Variants in GRIA3 observed in about 807,000 individuals in gnomAD.
The protein encoded by GRIA3 is glutamate ionotropic receptor AMPA type subunit 3, also known as glutamate receptor 3.
A neutral mutation model predicts 63.0 loss-of-function variants in GRIA3; 3 were observed. The observed-to-expected ratio is 0.05, with a 90% confidence interval of 0.02 to 0.12. The LOEUF (loss-of-function observed/expected upper bound fraction) is 0.12. Ranked by LOEUF, GRIA3 falls within the 10% of genes least tolerant of loss-of-function variation. The pLI is 1.00. For missense variants in GRIA3, 347 were observed against 700.9 expected (o/e 0.50, Z 5.70); for synonymous variants, 274 against 257.9 (o/e 1.06, Z -0.60).
rs150008405 is a variant in GRIA3 at position 123,357,735 on chromosome X, T to G, written c.750+2772T>G. 2.4e-3 allele frequency among the ~76,000 whole-genome samples: 271 copies of G among 110,880 alleles called. 1 individual carries two copies. Among genetic ancestry groups the G allele is most frequent in the African/African-American group, 8.2e-3 (251 of 30,539 alleles). The stretch of plus-strand genomic sequence containing the variant: ...ACACACAACTCAGAATTATGAGACT[T>G]TGGGGGAATGTCTACTACAAGAACA... On this transcript the variant is annotated intron_variant, in intron 5 of 15. Transcript: ENST00000620443.
At chrX:123,307,665 C>A (rs986132536) in intron 3 of GRIA3, among the ~76,000 whole-genome samples, 1 of 111,452 alleles carries the variant, frequency 9.0e-6, no homozygotes, top group Admixed American at 9.5e-5. Flanking sequence ...GGACTGATGA[C>A]TGTCCTCTGG....
At chrX:123,292,980 G>A (rs1395705763) in intron 3 of GRIA3, among the ~76,000 whole-genome samples, 1 of 110,908 alleles carries the variant, frequency 9.0e-6, no homozygotes, top group African/African-American at 3.3e-5. Context: ...AGTTTATCTG[G>A]TTGGCCTATT....
intron 3 of GRIA3, among the ~76,000 whole-genome samples, chrX:123,319,765 A>G (rs981567516): frequency 1.3e-3 from 136 of 107,099 alleles, no homozygotes; most frequent in Non-Finnish European, 2.3e-4. Flanking sequence ...CCTTCTTGAA[A>G]CATGCCTTTC....
At chrX:123,367,028 A>C in intron 5 of GRIA3, among the ~76,000 whole-genome samples, 1 of 111,796 alleles carries the variant, frequency 8.9e-6, no homozygotes. Context: ...AATCATGAGT[A>C]TCCCCATAGT....
chrX:123,216,376 C>T (rs1318700041), intron 2 of GRIA3, among the ~76,000 whole-genome samples: 2 of 112,286 alleles, frequency 1.8e-5, no homozygotes, highest in Non-Finnish European at 3.8e-5. Context: ...GAGGTTTCAG[C>T]GATGCTTACA....
Position 123,490,193 on chromosome X carries a change from T to C in GRIA3, c.*1483T>C, listed in dbSNP as rs1167390658. 8.9e-6 allele frequency: 1 copy of C among 112,950 alleles called. No homozygotes were observed. Among genetic ancestry groups the C allele is most frequent in the African/African-American group, 3.2e-5 (1 of 30,993 alleles). 9.3% of individuals were successfully genotyped at this position (112,950 alleles called of 1,213,427 possible). On this transcript the variant is annotated 3_prime_UTR_variant, in exon 16 of 16. Transcript: ENST00000620443. ...TGCAAAAACTAGGAGCTCGCATTCA[T>C]TTCCCAAGTGTGACCCTTAGATGCT...
At chrX:123,282,383 G>A (rs746031831) in intron 3 of GRIA3, among the ~76,000 whole-genome samples, 10 of 112,182 alleles carry the variant, frequency 8.9e-5, no homozygotes, top group Non-Finnish European at 1.5e-4. Flanking sequence ...TCTGATATCT[G>A]AAAAACAATC....
chrX:123,424,261 G>T (rs2045579095), intron 11 of GRIA3, among the ~76,000 whole-genome samples: 1 of 111,745 alleles, frequency 8.9e-6, no homozygotes. Context: ...TGATGGGATT[G>T]ACCCATCAGT....
intron 3 of GRIA3, among the ~76,000 whole-genome samples, chrX:123,320,812 T>C (rs1052224679): frequency 1.8e-5 from 2 of 111,736 alleles, no homozygotes; most frequent in Middle Eastern, 8.4e-3. Flanking sequence ...ATATTTACCC[T>C]AGGTGCTTCA....
intron 3 of GRIA3, among the ~76,000 whole-genome samples, chrX:123,312,163 T>C (rs1182731410): frequency 3.6e-5 from 4 of 111,545 alleles, no homozygotes; most frequent in Non-Finnish European, 7.5e-5. Flanking sequence ...ATTTAAAACC[T>C]GAGGGATGAG....
At chrX:123,272,717 T>C (rs1342957798) in intron 3 of GRIA3, among the ~76,000 whole-genome samples, 1 of 111,860 alleles carries the variant, frequency 8.9e-6, no homozygotes, top group African/African-American at 3.2e-5. Flanking sequence ...CAAAGATCCC[T>C]TTTTCCCCCT....
intron 2 of GRIA3, among the ~76,000 whole-genome samples, chrX:123,237,752 C>T (rs763326590): frequency 8.9e-6 from 1 of 112,295 alleles, no homozygotes; most frequent in African/African-American, 3.2e-5. Context: ...AGAGGGGCTA[C>T]TTATTCCGTC....
intron 5 of GRIA3, among the ~76,000 whole-genome samples, chrX:123,391,345 A>G (rs2045385676): frequency 9.0e-6 from 1 of 111,206 alleles, no homozygotes; most frequent in African/African-American, 3.3e-5. Flanking sequence ...TTGGTTGGGT[A>G]GGACACTTTG....
rs376514300 is a variant in GRIA3, at chrX:123,363,375, G to A, written c.750+8412G>A. Among the ~76,000 whole-genome samples, 8 of 112,390 alleles carry A rather than the reference G, an allele frequency of 7.1e-5. No individual in the cohort carries two copies. The East Asian group carries it at 8.3e-4, about 12-fold the overall frequency. ...GAAGGAAAACTCCACATCATACCTT[G>A]AAAATAAATGCACTTAATGTAAGCC... is the stretch of plus-strand genomic sequence containing the variant. On this transcript the variant is annotated intron_variant, in intron 5 of 15. Transcript: ENST00000620443.
chrX:123,280,632 T>G (rs1471659692), intron 3 of GRIA3, among the ~76,000 whole-genome samples: 1 of 112,197 alleles, frequency 8.9e-6, no homozygotes, highest in Non-Finnish European at 1.9e-5. Context: ...TGATTGAATC[T>G]TCGGTACTTG....
At chrX:123,393,249 GTC>G (rs1320702292) in intron 5 of GRIA3, among the ~76,000 whole-genome samples, 19 of 112,100 alleles carry the variant, frequency 1.7e-4, no homozygotes, top group African/African-American at 6.2e-4. Flanking sequence ...TTCTAAGACT[GTC>G]TTGTTATCCA....
At chrX:123,211,196 A>G (rs1437670951) in intron 2 of GRIA3, among the ~76,000 whole-genome samples, 1 of 111,859 alleles carries the variant, frequency 8.9e-6, no homozygotes, top group African/African-American at 3.2e-5. Context: ...ATGTAAAACA[A>G]CACAATTTCT....
At chrX:123,326,960 G>A (rs1033253335) in intron 4 of GRIA3, among the ~76,000 whole-genome samples, 2 of 106,752 alleles carry the variant, frequency 1.9e-5, no homozygotes, top group Non-Finnish European at 3.8e-5. Flanking sequence ...GACAGAGCAA[G>A]ACTCTGTCTC....
intron 4 of GRIA3, among the ~76,000 whole-genome samples, chrX:123,350,416 A>AT (rs950838677): frequency 9.0e-6 from 1 of 111,133 alleles, no homozygotes; most frequent in Non-Finnish European, 1.9e-5. Context: ...CCACACACAT[A>AT]TTTTTTTCTA....
Sources: gnomAD v4.1 joint callset for allele counts (sites outside exome capture counted in the v4.1 genomes callset) on GRCh38, gnomAD v4.1.1 for gene constraint, MANE v1.5 for transcripts, NCBI Gene and HGNC (gene_info 2026-07-23, HGNC 2026-07-21) for gene names.